The following TGIF2 variants were observed in gnomAD, a reference collection of about 807,000 sequenced individuals.
The protein encoded by TGIF2 is homeobox protein TGIF2.
In TGIF2, 5 loss-of-function variants were observed where a neutral mutation model predicts 15.1. The ratio of observed to expected loss-of-function variants is 0.33; its 90% CI spans 0.17 to 0.70. TGIF2 has a LOEUF of 0.70. Among genes scored for constraint, TGIF2 ranks in the 30% least tolerant of loss-of-function variants. The probability of loss-of-function intolerance (pLI) is 0.67; values close to 1 mark genes in which losing one functional copy is unlikely to be tolerated. For missense variants in TGIF2, 264 were observed against 302.5 expected (o/e 0.87, Z 0.94); for synonymous variants, 131 against 128.9 (o/e 1.02, Z -0.11).
At chr20:36,578,988 G>A (rs2038489166) in intron 2 of TGIF2, 22 bp downstream of exon 2, 2 of 1,606,474 alleles carry the variant, frequency 1.2e-6, no homozygotes, top group African/African-American at 1.3e-5. Context: ...ATCTGGATAA[G>A]GGGGTGGCAG....
At position 36,587,434 on chromosome 20, in the gene TGIF2, G is replaced by A. The variant is rs191242135; in HGVS notation, c.193-3476G>A. Among the ~76,000 whole-genome samples, 199 of 152,178 alleles carry A rather than the reference G, an allele frequency of 1.3e-3. 3 individuals are homozygous for A. Among genetic ancestry groups the A allele is most frequent in the Non-Finnish European group, 1.8e-3 (125 of 68,014 alleles). On this transcript the variant is annotated intron_variant, in intron 2 of 2. Transcript: ENST00000373872. ...CTCAACAACACTCCTTACTTTGCTT[G>A]ACCCAGGTCACTGTGACCTGCCCAT...
In TGIF2 at chr20:36,593,854, C is replaced by T. The variant is rs1245797867; in HGVS notation, c.*2423C>T. The T allele has an allele frequency of 6.6e-6, 1 of 152,578 alleles. No homozygotes were observed. Among genetic ancestry groups the T allele is most frequent in the African/African-American group, 2.4e-5 (1 of 41,434 alleles). The allele number at this position is 152,578 out of a possible 1,614,324, so 9.5% of individuals were successfully genotyped here. On this transcript the variant is annotated 3_prime_UTR_variant, in exon 3 of 3. Coordinates refer to ENST00000373872, the MANE Select transcript of TGIF2 (RefSeq NM_021809.7). The stretch of plus-strand genomic sequence containing the variant: ...TTGTAAGATAAACCTGGAGGAGAAG[C>T]ACAGTTGTCCCATTGAATTATTTGA...
intron 2 of TGIF2, among the ~76,000 whole-genome samples, chr20:36,589,969 G>A (rs535559234): frequency 4.3e-4 from 65 of 152,088 alleles, no homozygotes; most frequent in Admixed American, 1.0e-3. Flanking sequence ...GACTGCAGGC[G>A]TGAGCTGCAG....
intron 1 of TGIF2, 111 bp from the exon 2 acceptor site, chr20:36,578,630 A>G (rs1160520774): frequency 1.6e-6 from 2 of 1,223,500 alleles, no homozygotes; most frequent in Non-Finnish European, 1.1e-6. Context: ...TCTGAATTGC[A>G]ACTACCCCAT....
chr20:36,579,531 C>T (rs146019768), intron 2 of TGIF2, among the ~76,000 whole-genome samples: 2,120 of 152,256 alleles, frequency 0.014, 104 homozygotes, highest in Admixed American at 0.1. Flanking sequence ...TAGGTGTCAT[C>T]CTTAACTTTG....
chr20:36,580,258 G>C (rs1394022038), intron 2 of TGIF2, among the ~76,000 whole-genome samples: 1 of 152,110 alleles, frequency 6.6e-6, no homozygotes, highest in South Asian at 2.1e-4. Context: ...TCCATGTAGA[G>C]ACATGGTAAG....
At position 36,592,812 on chromosome 20, in the gene TGIF2, T is replaced by G. The variant is rs1323166506; in HGVS notation, c.*1381T>G. 6.3e-6 allele frequency: 1 copy of G among 158,098 alleles called. No homozygotes were observed. Among genetic ancestry groups the G allele is most frequent in the Non-Finnish European group, 1.4e-5 (1 of 72,896 alleles). 9.8% of individuals were successfully genotyped at this position (158,098 alleles called of 1,614,324 possible). A position where few individuals can be genotyped will look rare whatever the true frequency, so the allele number is the denominator to read the frequency against. ...TTTTCTTTTGCTGTTTTGTTTTTTG[T>G]TTTTTGTTTGTTTGTTTGTTTTTTT... On this transcript the variant is annotated 3_prime_UTR_variant, in exon 3 of 3. Transcript: ENST00000373872.
chr20:36,589,509 CAGCCCCCCAAGT>C (rs1245248300), intron 2 of TGIF2, among the ~76,000 whole-genome samples: 1 of 151,910 alleles, frequency 6.6e-6, no homozygotes, highest in Admixed American at 6.6e-5. Context: ...TCTCCTGCCT[CAGCCCCCCAAGT>C]AGCTGGGACT....
intron 1 of TGIF2, among the ~76,000 whole-genome samples, chr20:36,576,688 A>G (rs1248501409): frequency 6.6e-6 from 1 of 152,032 alleles, no homozygotes; most frequent in East Asian, 1.9e-4. Context: ...AACCATCACT[A>G]TAGTCAATTT....
At chr20:36,574,304 G>C (rs1446073181) in intron 1 of TGIF2, among the ~76,000 whole-genome samples, 3 of 151,996 alleles carry the variant, frequency 2.0e-5, no homozygotes, top group East Asian at 1.9e-4. Context: ...AGCGGGGCGC[G>C]TGGGGCCGGC....
At chr20:36,574,309 G>T (rs540470300) in intron 1 of TGIF2, among the ~76,000 whole-genome samples, 2 of 152,002 alleles carry the variant, frequency 1.3e-5, no homozygotes, top group East Asian at 3.9e-4. Context: ...GGCGCGTGGG[G>T]CCGGCGCCCC....
At chr20:36,577,153 A>C (rs1268841253) in intron 1 of TGIF2, among the ~76,000 whole-genome samples, 2 of 152,010 alleles carry the variant, frequency 1.3e-5, no homozygotes, top group African/African-American at 4.8e-5. Context: ...AGCTGGGACT[A>C]CTGGCACACC....
At chr20:36,585,626 G>T (rs1213761413) in intron 2 of TGIF2, among the ~76,000 whole-genome samples, 1 of 152,076 alleles carries the variant, frequency 6.6e-6, no homozygotes, top group Non-Finnish European at 1.5e-5. Context: ...ACCCTCCCAG[G>T]AGCGATTCAT....
chr20:36,591,390 C>T lies in TGIF2; in HGVS notation c.673C>T (p.Leu225=), dbSNP rs1358945707. The T allele has an allele frequency of 1.2e-6, 2 of 1,613,934 alleles. No individual in the cohort carries two copies. The highest frequency in any genetic ancestry group is 1.7e-5 in the Admixed American group (1 of 59,996). The change falls in exon 3 of 3, where the codon CTG becomes TTG. Residue 225 remains leucine, a synonymous_variant. Coordinates refer to ENST00000373872, the MANE Select transcript of TGIF2 (RefSeq NM_021809.7). This position sits in a 1 kb window ranked among gnomAD's most constrained non-coding sequence, Gnocchi z 5.3. ...QKQQDPSLPL[L]HTPIPLVSEN... is the part of the protein sequence containing the mutation. ...GCAGCAGGACCCATCACTCCCATTA[C>T]TGCACACTCCCATCCCTTTAGTCTC...
At chr20:36,580,970 C>CA (rs1004586469) in intron 2 of TGIF2, among the ~76,000 whole-genome samples, 5 of 151,566 alleles carry the variant, frequency 3.3e-5, no homozygotes, top group African/African-American at 1.2e-4. Flanking sequence ...ACTAAAAATA[C>CA]AAAAAAAATT....
At chr20:36,590,005 A>G (rs1220775560) in intron 2 of TGIF2, among the ~76,000 whole-genome samples, 1 of 152,010 alleles carries the variant, frequency 6.6e-6, no homozygotes, top group Non-Finnish European at 1.5e-5. Flanking sequence ...TCCAGGCTGG[A>G]GTGCACTGGC....
rs1397509937 is a variant in TGIF2 at position 36,586,696 on chromosome 20, C to CG, written c.193-4214_193-4213insG. 1.5e-4 allele frequency among the ~76,000 whole-genome samples: 22 copies of CG among 142,082 alleles called. 1 individual carries two copies. The South Asian group carries it at 1.7e-3, about 11-fold the overall frequency. The allele number at this position is 142,082 out of a possible 152,430, so 93.2% of individuals were successfully genotyped here. A position where few individuals can be genotyped will look rare whatever the true frequency, so the allele number is the denominator to read the frequency against. ...GGCAAAGAAGTGAGACTCCATTTCC[C>CG]CCCCCCCAAAAAAAAAAATCTCCCC... On this transcript the variant is annotated intron_variant, in intron 2 of 2. Transcript: ENST00000373872.
Position 36,590,766 on chromosome 20 carries a change from C to T in TGIF2, c.193-144C>T, listed in dbSNP as rs140634679. ...TAGAAACAGGGTCTCCCTGTGTTGC[C>T]CAGGCTGGTCTTGAACTCCTGGGCT... On this transcript the variant is annotated intron_variant, in intron 2 of 2. Coordinates refer to ENST00000373872, the MANE Select transcript of TGIF2 (RefSeq NM_021809.7). 5,510 of 830,804 alleles carry T rather than the reference C, an allele frequency of 6.6e-3. 232 individuals are homozygous for T. In the African/African-American group the frequency reaches 0.084, roughly 13 times the overall value. 51.5% of individuals were successfully genotyped at this position (830,804 alleles called of 1,614,324 possible).
chr20:36,589,838 A>G (rs1043395340), intron 2 of TGIF2, among the ~76,000 whole-genome samples: 14 of 151,756 alleles, frequency 9.2e-5, no homozygotes, highest in Non-Finnish European at 2.9e-5. Flanking sequence ...ACAGACACGC[A>G]CCACCATACC....
Sources: allele counts gnomAD v4.1 joint callset (sites outside exome capture counted in the v4.1 genomes callset), GRCh38; gene constraint gnomAD v4.1.1; non-coding constraint Gnocchi (gnomAD v3.1); transcripts MANE v1.5; gene names NCBI Gene and HGNC (gene_info 2026-07-23, HGNC 2026-07-21).